RPTOR: variants seen among roughly 807,000 people sequenced by gnomAD.
RPTOR encodes the protein regulatory-associated protein of mTOR.
In RPTOR, 21 loss-of-function variants were observed where a neutral mutation model predicts 169.9. The ratio of observed to expected loss-of-function variants is 0.12; its 90% CI spans 0.09 to 0.18. RPTOR has a LOEUF of 0.18. Among genes scored for constraint, RPTOR ranks in the 10% least tolerant of loss-of-function variants. The pLI, the probability that RPTOR is intolerant of heterozygous loss-of-function variation, is 1.00. For synonymous variants in RPTOR, 732 were observed against 753.2 expected, an observed-to-expected ratio of 0.97 and a Z score of 0.46; for missense variants, 1,133 against 1,855.9, an observed-to-expected ratio of 0.61 and a Z score of 7.16.
In RPTOR at chr17:80,959,429, G is replaced by A. The variant is rs920892343; in HGVS notation, c.3478-649G>A. ...CCCAGAGCCGGCTCTGCCCCTCGCA[G>A]GGGTCTGGCCCCATCATCCCCACGC... On this transcript the variant is annotated intron_variant, in intron 29 of 33. Coordinates refer to ENST00000306801, the MANE Select transcript of RPTOR (RefSeq NM_020761.3). The surrounding 1 kb of genome is among the most constrained non-coding windows in gnomAD (Gnocchi z 6.7). Among the ~76,000 whole-genome samples, 2 of 152,170 alleles carry A rather than the reference G, an allele frequency of 1.3e-5. No individual in the cohort carries two copies. Among genetic ancestry groups the A allele is most frequent in the Admixed American group, 1.3e-4 (2 of 15,286 alleles).
At chr17:80,755,129 TGC>T (rs67162156) in intron 6 of RPTOR, among the ~76,000 whole-genome samples, 26,944 of 152,132 alleles carry the variant, frequency 0.18, 2,809 homozygotes, top group East Asian at 0.24. Context: ...GCTCTGCCTC[TGC>T]AGCCAAGTCC....
At chr17:80,891,574 G>A (rs563284307) in intron 17 of RPTOR, 146 bp from the exon 18 acceptor site, 18 of 657,840 alleles carry the variant, frequency 2.7e-5, no homozygotes, top group African/African-American at 2.7e-4. Flanking sequence ...CTGACGGTTC[G>A]AAAAGGGATG....
intron 5 of RPTOR, among the ~76,000 whole-genome samples, chr17:80,745,174 A>G (rs2066560180): frequency 6.6e-6 from 1 of 152,246 alleles, no homozygotes; most frequent in African/African-American, 2.4e-5. Context: ...CTGTGAGAGA[A>G]ATTAGTGTAA....
chr17:80,957,840 G>A lies in RPTOR; in HGVS notation c.3477+110G>A. 4.2e-6 allele frequency: 4 copies of A among 946,968 alleles called. No individual in the cohort carries two copies. Among genetic ancestry groups the A allele is most frequent in the Non-Finnish European group, 5.0e-6 (3 of 604,908 alleles). 58.7% of individuals were successfully genotyped at this position (946,968 alleles called of 1,614,324 possible). A position where few individuals can be genotyped will look rare whatever the true frequency, so the allele number is the denominator to read the frequency against. On this transcript the variant is annotated intron_variant, in intron 29 of 33. Transcript: ENST00000306801. This position sits in a 1 kb window ranked among gnomAD's most constrained non-coding sequence, Gnocchi z 4.6. Reference sequence around the variant, plus strand: ...TGCGGTGAGGCCTGGCCATCCCAGGGGTGGAGTCAGGGCCTGGGAGGACAG... The same window carrying A: ...TGCGGTGAGGCCTGGCCATCCCAGGAGTGGAGTCAGGGCCTGGGAGGACAG...
At chr17:80,557,216 G>A (rs763238729) in intron 1 of RPTOR, among the ~76,000 whole-genome samples, 2 of 152,190 alleles carry the variant, frequency 1.3e-5, no homozygotes, top group Non-Finnish European at 2.9e-5. Context: ...TTACACATAG[G>A]AGGTGTCCTC....
At chr17:80,763,617 C>A (rs1259480229) in intron 6 of RPTOR, among the ~76,000 whole-genome samples, 1 of 152,142 alleles carries the variant, frequency 6.6e-6, no homozygotes, top group Non-Finnish European at 1.5e-5. Context: ...ATTAATTAGC[C>A]AGACCTCACA....
At chr17:80,905,313 G>A (rs1041995383) in intron 20 of RPTOR, among the ~76,000 whole-genome samples, 6 of 152,156 alleles carry the variant, frequency 3.9e-5, no homozygotes, top group East Asian at 1.9e-4. Flanking sequence ...GTGGCCAGGC[G>A]CAGTGGCGCA....
At chr17:80,611,769 T>TG (rs1555596038) in intron 1 of RPTOR, among the ~76,000 whole-genome samples, 4 of 142,682 alleles carry the variant, frequency 2.8e-5, no homozygotes, top group Non-Finnish European at 4.6e-5. Flanking sequence ...TTTTTTTTTT[T>TG]AAAAAAAACA....
At chr17:80,703,610 A>T (rs978262854) in intron 3 of RPTOR, among the ~76,000 whole-genome samples, 1 of 151,740 alleles carries the variant, frequency 6.6e-6, no homozygotes, top group Non-Finnish European at 1.5e-5. Context: ...TTTGAGTCCT[A>T]CCTCTCCATT....
At chr17:80,822,856 CACAT>C (rs1386958438) in intron 8 of RPTOR, among the ~76,000 whole-genome samples, 14 of 151,998 alleles carry the variant, frequency 9.2e-5, no homozygotes, top group Non-Finnish European at 1.5e-5. Flanking sequence ...CCTGTGCACA[CACAT>C]GTATGTATGC....
chr17:80,843,586 C>A (rs2067694402), intron 10 of RPTOR, among the ~76,000 whole-genome samples: 2 of 151,988 alleles, frequency 1.3e-5, no homozygotes, highest in Admixed American at 1.3e-4. Flanking sequence ...CAGAGCCGTA[C>A]AGGGGGGTAG....
At position 80,651,221 on chromosome 17, in the gene RPTOR, T is replaced by C. The variant is rs991845654; in HGVS notation, c.348+7411T>C. ...TGCTTCTAAGTCAGAAAGTGGAAGG[T>C]GTGATGTGTTAAAGAATGGAAAGCT... On this transcript the variant is annotated intron_variant, in intron 3 of 33. Transcript: ENST00000306801. The surrounding 1 kb of genome is among the most constrained non-coding windows in gnomAD (Gnocchi z 4.1). Among the ~76,000 whole-genome samples, 3 of 151,766 alleles carry C rather than the reference T, an allele frequency of 2.0e-5. No homozygotes were observed. Among genetic ancestry groups the C allele is most frequent in the African/African-American group, 2.4e-5 (1 of 41,286 alleles).
rs756378662 is a variant in RPTOR at position 80,845,702 on chromosome 17, C to T, written c.1213-771C>T. Among the ~76,000 whole-genome samples, 10 of 152,178 alleles carry T rather than the reference C, an allele frequency of 6.6e-5. No homozygotes were observed. Among genetic ancestry groups the T allele is most frequent in the South Asian group, 2.1e-4 (1 of 4,836 alleles). On this transcript the variant is annotated intron_variant, in intron 10 of 33. Transcript: ENST00000306801. The surrounding 1 kb of genome is among the most constrained non-coding windows in gnomAD (Gnocchi z 5.4). The stretch of plus-strand genomic sequence containing the variant: ...CACATCTACAAAAAGCACTTCCTGA[C>T]CCTACATCCCTCTCCAGCCACCACC...
In RPTOR at chr17:80,743,350, C is replaced by A. The variant is rs1013493974; in HGVS notation, c.655-10660C>A. ...CAGGTTCCGCCGTGCAGAGAAGAAG[C>A]CACAAGGACCGAGGGAGGCCTGAAG... On this transcript the variant is annotated intron_variant, in intron 5 of 33. Coordinates refer to ENST00000306801, the MANE Select transcript of RPTOR (RefSeq NM_020761.3). 4.1e-6 allele frequency: 4 copies of A among 985,356 alleles called. No homozygotes were observed. In the African/African-American group the frequency reaches 7.0e-5, roughly 17 times the overall value. The allele number at this position is 985,356 out of a possible 1,614,324, so 61.0% of individuals were successfully genotyped here.
chr17:80,922,287 G>C (rs992530475), intron 21 of RPTOR, among the ~76,000 whole-genome samples: 3 of 152,226 alleles, frequency 2.0e-5, no homozygotes, highest in Non-Finnish European at 4.4e-5. Context: ...CGAGAGCTGA[G>C]GTGTTGGGGA....
intron 3 of RPTOR, among the ~76,000 whole-genome samples, chr17:80,647,536 CAG>C: frequency 6.6e-6 from 1 of 152,260 alleles, no homozygotes; most frequent in East Asian, 1.9e-4. Flanking sequence ...CTTCTTTCCC[CAG>C]AGAGAGTGGA....
chr17:80,853,714 C>A (rs1269845064), intron 11 of RPTOR, among the ~76,000 whole-genome samples: 1 of 152,200 alleles, frequency 6.6e-6, no homozygotes, highest in Non-Finnish European at 1.5e-5. Flanking sequence ...CACGGTGGCT[C>A]ACGCCTGTAA....
intron 3 of RPTOR, among the ~76,000 whole-genome samples, chr17:80,686,684 T>C (rs1474199490): frequency 6.6e-6 from 1 of 152,146 alleles, no homozygotes; most frequent in East Asian, 1.9e-4. Context: ...GGCTCTCTTC[T>C]AACGAGGCCG....
At position 80,957,455 on chromosome 17, in the gene RPTOR, C is replaced by A. The variant is rs1288932989; in HGVS notation, c.3371-169C>A. Among the ~76,000 whole-genome samples the A allele has an allele frequency of 6.6e-6, 1 of 152,210 alleles. No homozygotes were observed. Among genetic ancestry groups the A allele is most frequent in the East Asian group, 1.9e-4 (1 of 5,196 alleles). On this transcript the variant is annotated intron_variant, in intron 28 of 33. Coordinates refer to ENST00000306801, the MANE Select transcript of RPTOR (RefSeq NM_020761.3). This position sits in a 1 kb window ranked among gnomAD's most constrained non-coding sequence, Gnocchi z 4.6. ...ACCCCAGCCTGGACGTGGGGCACAC[C>A]AGGGTCCCTAGCGGGAGCTCATATG...
Sources: gnomAD v4.1 joint callset for allele counts (sites outside exome capture counted in the v4.1 genomes callset) on GRCh38, gnomAD v4.1.1 for gene constraint, Gnocchi (gnomAD v3.1) non-coding constraint, MANE v1.5 for transcripts, NCBI Gene and HGNC (gene_info 2026-07-23, HGNC 2026-07-21) for gene names.